The following ZNF98 variants were observed in gnomAD, a reference collection of about 807,000 sequenced individuals.
ZNF98 encodes zinc finger protein 98, also known as zinc finger protein 739.
Under a neutral mutation model 12.8 loss-of-function variants are expected in ZNF98, and 8 were observed. That is an observed-to-expected ratio of 0.63 (90% CI 0.37 to 1.13). The LOEUF (loss-of-function observed/expected upper bound fraction) is 1.13. Ranked by LOEUF, ZNF98 falls within the 50% of genes most tolerant of loss-of-function variation. ZNF98 has a pLI of 0.01. For missense variants in ZNF98, 379 were observed against 666.1 expected (o/e 0.57, Z 4.74); for synonymous variants, 112 against 223.5 (o/e 0.50, Z 4.45).
intron 1 of ZNF98, among the ~76,000 whole-genome samples, chr19:22,408,505 C>T (rs1969546906): frequency 6.6e-6 from 1 of 152,128 alleles, no homozygotes; most frequent in Non-Finnish European, 1.5e-5. Flanking sequence ...GTCAAATTGT[C>T]TCTGTTTGCA....
intron 1 of ZNF98, among the ~76,000 whole-genome samples, chr19:22,410,480 C>T (rs1969569271): frequency 6.6e-6 from 1 of 152,130 alleles, no homozygotes; most frequent in Admixed American, 6.6e-5. Context: ...AGTCATCATC[C>T]TCAGCAAACT....
intron 3 of ZNF98, among the ~76,000 whole-genome samples, chr19:22,401,412 A>C (rs1033516203): frequency 5.9e-5 from 9 of 152,214 alleles, no homozygotes; most frequent in African/African-American, 1.9e-4. Context: ...ATATCTTTCA[A>C]ATAAAAGATA....
At chr19:22,396,670 CA>C (rs1407178845) in intron 3 of ZNF98, among the ~76,000 whole-genome samples, 6 of 151,814 alleles carry the variant, frequency 4.0e-5, no homozygotes, top group Admixed American at 3.3e-4. Flanking sequence ...CTAAAAGGGG[CA>C]AGATGGAAGA....
chr19:22,417,839 C>T (rs1035029336), intron 1 of ZNF98, among the ~76,000 whole-genome samples: 8 of 152,050 alleles, frequency 5.3e-5, no homozygotes, highest in Non-Finnish European at 1.0e-4. Context: ...GAGAGGGAAT[C>T]CTGTGGTTAC....
chr19:22,421,796 C>A (rs1374420749), intron 1 of ZNF98, among the ~76,000 whole-genome samples: 1 of 152,092 alleles, frequency 6.6e-6, no homozygotes. Context: ...TTTTAATAGG[C>A]GAAAAGAGGA....
At chr19:22,416,326 C>T (rs186431548) in intron 1 of ZNF98, among the ~76,000 whole-genome samples, 4 of 150,134 alleles carry the variant, frequency 2.7e-5, no homozygotes, top group East Asian at 2.0e-4. Context: ...AAAAATTAGC[C>T]GGGCGTGGTG....
chr19:22,421,359 TG>T (rs150614387), intron 1 of ZNF98, among the ~76,000 whole-genome samples: 4,616 of 152,164 alleles, frequency 0.03, 203 homozygotes, highest in African/African-American at 0.1. Flanking sequence ...AAATGGGGTG[TG>T]GGGGGTTGCC....
chr19:22,397,422 T>C (rs990071343), intron 3 of ZNF98, among the ~76,000 whole-genome samples: 2 of 152,042 alleles, frequency 1.3e-5, no homozygotes, highest in African/African-American at 4.8e-5. Context: ...AACAGAGGTA[T>C]AGAAAACACC....
At chr19:22,407,762 C>T (rs1969537890) in intron 1 of ZNF98, among the ~76,000 whole-genome samples, 2 of 150,936 alleles carry the variant, frequency 1.3e-5, no homozygotes, top group Non-Finnish European at 3.0e-5. Context: ...AAACCAAATC[C>T]AGCAGCACAT....
intron 1 of ZNF98, among the ~76,000 whole-genome samples, chr19:22,419,667 C>A (rs575545170): frequency 2.3e-4 from 35 of 152,242 alleles, no homozygotes. Flanking sequence ...GCAAAAGTAT[C>A]AATTCCTTTC....
chr19:22,421,407 G>C (rs75211015), intron 1 of ZNF98, among the ~76,000 whole-genome samples: 2,374 of 152,202 alleles, frequency 0.016, 60 homozygotes, highest in African/African-American at 0.054. Context: ...AAACATGCAA[G>C]GGAAAATCAG....
intron 3 of ZNF98, among the ~76,000 whole-genome samples, chr19:22,400,070 G>A (rs193057759): frequency 1.3e-5 from 2 of 152,316 alleles, no homozygotes; most frequent in Admixed American, 1.3e-4. Context: ...CTTGGCTACA[G>A]ACCAGAAAAT....
chr19:22,396,450 CAA>C (rs1340484092), intron 3 of ZNF98, among the ~76,000 whole-genome samples: 1 of 151,484 alleles, frequency 6.6e-6, no homozygotes, highest in Admixed American at 6.6e-5. Context: ...CAAAAAGACA[CAA>C]AGAGAGAAAA....
At chr19:22,416,077 G>T (rs1426668531) in intron 1 of ZNF98, among the ~76,000 whole-genome samples, 1 of 151,648 alleles carries the variant, frequency 6.6e-6, no homozygotes, top group Non-Finnish European at 1.5e-5. Flanking sequence ...CCGGGAGGCA[G>T]AAGTTGCAGT....
intron 3 of ZNF98, among the ~76,000 whole-genome samples, chr19:22,394,139 C>CTCATTGCCATCTCATGCCATA (rs1969364063): frequency 6.9e-6 from 1 of 145,196 alleles, no homozygotes; most frequent in Non-Finnish European, 1.5e-5. Flanking sequence ...CAATGAGATA[C>CTCATTGCCATCTCATGCCATA]CATCTCATGC....
chr19:22,408,069 C>T (rs1309361346), intron 1 of ZNF98, among the ~76,000 whole-genome samples: 8 of 152,044 alleles, frequency 5.3e-5, no homozygotes, highest in Non-Finnish European at 1.2e-4. Context: ...TGTCTCAAAA[C>T]AAAACAAAAC....
chr19:22,421,121 C>A (rs1305038625), intron 1 of ZNF98, among the ~76,000 whole-genome samples: 1 of 152,118 alleles, frequency 6.6e-6, no homozygotes, highest in Non-Finnish European at 1.5e-5. Context: ...CTTTTTAAAC[C>A]TCCCACAGAA....
intron 1 of ZNF98, 63 bp downstream of exon 1, chr19:22,422,121 CCGCCACAGCCT>C: frequency 6.3e-7 from 1 of 1,591,882 alleles, no homozygotes; most frequent in African/African-American, 1.3e-5. Context: ...GGCCTGAGTC[CCGCCACAGCCT>C]CTTCCCACCG....
In ZNF98 at chr19:22,391,174, G is replaced by C. The variant is rs1246177317; in HGVS notation, c.*342C>G. ...TTACAAGTAAAGTTACCACAACTTCGTTTATATTTGTAATGTTTGTCTTCA... is the reference window on the plus strand; with the variant it reads ...TTACAAGTAAAGTTACCACAACTTCCTTTATATTTGTAATGTTTGTCTTCA... On this transcript the variant is annotated 3_prime_UTR_variant, in exon 4 of 4. Coordinates refer to ENST00000357774, the MANE Select transcript of ZNF98 (RefSeq NM_001098626.2). 1 of 243,720 alleles carries C rather than the reference G, an allele frequency of 4.1e-6. No individual in the cohort carries two copies. Among genetic ancestry groups the C allele is most frequent in the Admixed American group, 5.1e-5 (1 of 19,708 alleles). 15.1% of individuals were successfully genotyped at this position (243,720 alleles called of 1,614,324 possible).
Sources: allele counts gnomAD v4.1 joint callset (sites outside exome capture counted in the v4.1 genomes callset), GRCh38; gene constraint gnomAD v4.1.1; transcripts MANE v1.5; gene names NCBI Gene and HGNC (gene_info 2026-07-23, HGNC 2026-07-21).